COL24A1: variants seen among roughly 807,000 people sequenced by gnomAD.
COL24A1 encodes collagen alpha-1(XXIV) chain.
In COL24A1, 224 loss-of-function variants were observed where a neutral mutation model predicts 253.9. The observed-to-expected ratio is 0.88, with a 90% CI of 0.79 to 0.99. The LOEUF (loss-of-function observed/expected upper bound fraction) is 0.99. COL24A1 is among the 50% of genes least tolerant of loss of function. The pLI, the probability that COL24A1 is intolerant of heterozygous loss-of-function variation, is 0.00. For synonymous variants in COL24A1, 685 were observed against 673.7 expected (o/e 1.02, Z -0.26); for missense variants, 2,131 against 2,068.5 (o/e 1.03, Z -0.59).
intron 37 of COL24A1, among the ~76,000 whole-genome samples, chr1:85,850,058 T>C (rs1481218789): frequency 6.6e-6 from 1 of 152,166 alleles, no homozygotes; most frequent in Non-Finnish European, 1.5e-5. Context: ...GAGGTAATCA[T>C]ATAAAACTTA....
At chr1:85,845,212 T>C (rs1278382191) in intron 39 of COL24A1, among the ~76,000 whole-genome samples, 1 of 151,720 alleles carries the variant, frequency 6.6e-6, no homozygotes, top group African/African-American at 2.4e-5. Flanking sequence ...TTGATTCAAC[T>C]TTTGGAAATC....
chr1:85,896,786 C>T (rs1387993706), intron 28 of COL24A1, among the ~76,000 whole-genome samples: 2 of 152,220 alleles, frequency 1.3e-5, no homozygotes, highest in Non-Finnish European at 2.9e-5. Context: ...GCGTGAGCCA[C>T]CACCCACCGC....
intron 23 of COL24A1, among the ~76,000 whole-genome samples, chr1:85,962,484 C>T (rs1402330800): frequency 6.6e-6 from 1 of 152,164 alleles, no homozygotes; most frequent in African/African-American, 2.4e-5. Context: ...TGCTGTCCCA[C>T]ACCCTTCTGG....
At chr1:85,871,367 A>C (rs995415060) in intron 35 of COL24A1, among the ~76,000 whole-genome samples, 14 of 152,306 alleles carry the variant, frequency 9.2e-5, no homozygotes, top group Middle Eastern at 6.8e-3. Context: ...TCATCCTGAT[A>C]CCAAAGCCTG....
chr1:86,021,558 A>T (rs1446726560), intron 18 of COL24A1, among the ~76,000 whole-genome samples: 1 of 152,164 alleles, frequency 6.6e-6, no homozygotes, highest in African/African-American at 2.4e-5. Flanking sequence ...CCAACTTTGT[A>T]GGATTGTTGT....
At chr1:85,817,718 A>C (rs982969200) in intron 46 of COL24A1, among the ~76,000 whole-genome samples, 3 of 152,046 alleles carry the variant, frequency 2.0e-5, no homozygotes, top group African/African-American at 7.2e-5. Flanking sequence ...GGCCTTTGTC[A>C]CCATTCATTT....
intron 24 of COL24A1, among the ~76,000 whole-genome samples, chr1:85,946,898 C>T (rs1363380888): frequency 3.3e-5 from 5 of 152,116 alleles, no homozygotes; most frequent in East Asian, 1.9e-4. Context: ...TATATATACA[C>T]CGACTAGCCA....
chr1:85,910,542 A>C (rs559822383), intron 25 of COL24A1, among the ~76,000 whole-genome samples: 1 of 152,000 alleles, frequency 6.6e-6, no homozygotes, highest in Admixed American at 6.6e-5. Flanking sequence ...AAGAGTATCA[A>C]CATTTTAGTA....
intron 7 of COL24A1, among the ~76,000 whole-genome samples, chr1:86,073,803 G>A (rs1023005364): frequency 1.3e-5 from 2 of 152,124 alleles, no homozygotes; most frequent in African/African-American, 4.8e-5. Context: ...AGAAGAGAGT[G>A]GGGGCTAATA....
rs931661218 is a variant in COL24A1 at position 85,784,313 on chromosome 1, T to A, written c.4113A>T (p.Arg1371=). The A allele has an allele frequency of 3.7e-6, 6 of 1,613,968 alleles. No homozygotes were observed. In the African/African-American group the frequency reaches 8.0e-5, roughly 22 times the overall value. ...ATGGTCCTTGATCACCTTGTGCTCC[T>A]CGGTGACCTCTTTTACCTTGAATTC... is the stretch of plus-strand genomic sequence containing the variant. ...QPGIQGKRGH[R]GAQGDQGPCG... is the part of the protein sequence containing the mutation. The change falls in exon 49 of 60, where the codon CGA becomes CGT. Residue 1371 remains arginine, a synonymous_variant. Coordinates refer to ENST00000370571, the MANE Select transcript of COL24A1 (RefSeq NM_152890.7).
At chr1:85,978,407 C>A (rs1223926008) in intron 20 of COL24A1, among the ~76,000 whole-genome samples, 1 of 151,798 alleles carries the variant, frequency 6.6e-6, no homozygotes, top group African/African-American at 2.4e-5. Flanking sequence ...ATGTAAATAG[C>A]CTAAATGCTC....
chr1:85,829,602 C>A (rs1674902437), intron 43 of COL24A1, among the ~76,000 whole-genome samples: 1 of 151,984 alleles, frequency 6.6e-6, no homozygotes, highest in African/African-American at 2.4e-5. Context: ...CCCCATATTT[C>A]TTGGAGGCTT....
At chr1:85,921,085 G>A (rs1332233253) in intron 24 of COL24A1, among the ~76,000 whole-genome samples, 1 of 152,184 alleles carries the variant, frequency 6.6e-6, no homozygotes, top group East Asian at 1.9e-4. Flanking sequence ...GGACTGGTTG[G>A]ACAGTGGGTG....
chr1:85,809,117 G>C (rs1672280697), intron 47 of COL24A1, among the ~76,000 whole-genome samples: 1 of 152,154 alleles, frequency 6.6e-6, no homozygotes, highest in Non-Finnish European at 1.5e-5. Context: ...AAGCAACTGG[G>C]CAAGTCGCAA....
intron 10 of COL24A1, among the ~76,000 whole-genome samples, chr1:86,056,436 G>A (rs949106132): frequency 9.9e-5 from 15 of 152,042 alleles, no homozygotes; most frequent in African/African-American, 2.9e-4. Flanking sequence ...TACATCACAG[G>A]GCTGATGGCA....
At chr1:86,107,667 T>C (rs1705129806) in intron 5 of COL24A1, among the ~76,000 whole-genome samples, 1 of 152,004 alleles carries the variant, frequency 6.6e-6, no homozygotes, top group Non-Finnish European at 1.5e-5. Context: ...CCTGAGTAGC[T>C]GGGACTACAG....
At chr1:85,939,339 T>C (rs1471600987) in intron 24 of COL24A1, among the ~76,000 whole-genome samples, 2 of 152,192 alleles carry the variant, frequency 1.3e-5, no homozygotes, top group African/African-American at 2.4e-5. Context: ...TGGCTCCTAA[T>C]GTTCACTGTA....
chr1:86,085,629 C>A (rs926552968), intron 7 of COL24A1, among the ~76,000 whole-genome samples: 5 of 152,098 alleles, frequency 3.3e-5, no homozygotes, highest in African/African-American at 1.2e-4. Context: ...TGATTCCAAA[C>A]GCAGAATTAG....
At chr1:85,907,010 C>G (rs1281571339) in intron 28 of COL24A1, among the ~76,000 whole-genome samples, 184 bp downstream of exon 28, 1 of 151,652 alleles carries the variant, frequency 6.6e-6, no homozygotes, top group African/African-American at 2.4e-5. Flanking sequence ...TTTATAACTA[C>G]AAAAGATTAT....
Sources: allele counts gnomAD v4.1 joint callset (sites outside exome capture counted in the v4.1 genomes callset), GRCh38; gene constraint gnomAD v4.1.1; transcripts MANE v1.5; gene names NCBI Gene and HGNC (gene_info 2026-07-23, HGNC 2026-07-21).